Variants in NAV2 observed in about 807,000 individuals in gnomAD.
NAV2 encodes the protein neuron navigator 2.
In NAV2, 54 loss-of-function variants were observed where a neutral mutation model predicts 223.2. The ratio of observed to expected loss-of-function variants is 0.24; its 90% CI spans 0.19 to 0.30. The LOEUF (loss-of-function observed/expected upper bound fraction) is 0.30, where lower values mean the gene tolerates loss of function less well. NAV2 is among the 10% of genes least tolerant of loss of function. NAV2 has a pLI of 1.00. For synonymous variants in NAV2, 1,279 were observed against 1,239.3 expected (o/e 1.03, Z -0.67); for missense variants, 2,806 against 3,147.5 (o/e 0.89, Z 2.60).
At chr11:19,376,476 T>G (rs759948880) in intron 1 of NAV2, among the ~76,000 whole-genome samples, 20 of 152,222 alleles carry the variant, frequency 1.3e-4, no homozygotes, top group Admixed American at 2.6e-4. Context: ...GGGACTCACC[T>G]GCTGTTATAC....
chr11:19,433,679 C>T (rs1220652135), intron 1 of NAV2, among the ~76,000 whole-genome samples: 1 of 152,182 alleles, frequency 6.6e-6, no homozygotes, highest in Non-Finnish European at 1.5e-5. Context: ...AATGTTAGCT[C>T]CATGGGGAGT....
At chr11:19,517,415 A>AC (rs1352844444) in intron 1 of NAV2, among the ~76,000 whole-genome samples, 1 of 152,058 alleles carries the variant, frequency 6.6e-6, no homozygotes, top group Non-Finnish European at 1.5e-5. Context: ...GAATAATGAC[A>AC]CCTCCTTGCA....
At chr11:19,553,608 C>T (rs935000424) in intron 1 of NAV2, among the ~76,000 whole-genome samples, 1 of 152,248 alleles carries the variant, frequency 6.6e-6, no homozygotes. Context: ...GGAGCTTGGG[C>T]TGCGGGTGGC....
chr11:19,594,928 A>G (rs904693460), intron 1 of NAV2, among the ~76,000 whole-genome samples: 6 of 152,224 alleles, frequency 3.9e-5, no homozygotes, highest in African/African-American at 1.4e-4. Context: ...AATAACTAAC[A>G]TCTATCAAGC....
intron 1 of NAV2, among the ~76,000 whole-genome samples, chr11:19,374,201 T>G (rs1848564168): frequency 6.6e-6 from 1 of 152,178 alleles, no homozygotes; most frequent in Non-Finnish European, 1.5e-5. Flanking sequence ...TGTTTTTCAC[T>G]ATGTATCAAT....
At chr11:19,763,410 C>G (rs2054931417) in intron 1 of NAV2, among the ~76,000 whole-genome samples, 1 of 152,142 alleles carries the variant, frequency 6.6e-6, no homozygotes, top group African/African-American at 2.4e-5. Flanking sequence ...TTCTTTGGCT[C>G]AAAGGAATCT....
In NAV2 at chr11:19,839,411, A is replaced by G. The variant is rs140253313; in HGVS notation, c.386-3460A>G. ...AGATGAACAAAGGAGGACTGGAGAAAAAGGGAGCAAAGAGAGAGAGAGAAT... is the reference window on the plus strand; with the variant it reads ...AGATGAACAAAGGAGGACTGGAGAAGAAGGGAGCAAAGAGAGAGAGAGAAT... On this transcript the variant is annotated intron_variant, in intron 2 of 37. Transcript: ENST00000349880. Among the ~76,000 whole-genome samples the G allele has an allele frequency of 9.2e-5, 14 of 152,302 alleles. No individual in the cohort carries two copies. In the East Asian group the frequency reaches 2.1e-3, roughly 23 times the overall value.
intron 1 of NAV2, among the ~76,000 whole-genome samples, chr11:19,426,632 G>A (rs1203859981): frequency 6.6e-6 from 1 of 152,136 alleles, no homozygotes; most frequent in Non-Finnish European, 1.5e-5. Flanking sequence ...CAGGGAGAGG[G>A]AAACCAAATA....
chr11:19,781,813 G>A (rs1191163085), intron 1 of NAV2, among the ~76,000 whole-genome samples: 1 of 151,418 alleles, frequency 6.6e-6, no homozygotes, highest in African/African-American at 2.4e-5. Flanking sequence ...AATAAAAATT[G>A]TATATATTTA....
intron 1 of NAV2, among the ~76,000 whole-genome samples, chr11:19,741,673 TCA>T (rs1184751633): frequency 2.8e-5 from 4 of 143,156 alleles, no homozygotes; most frequent in African/African-American, 1.1e-4. Flanking sequence ...TATGTATGTA[TCA>T]TGTGTGTGTG....
At chr11:19,359,740 C>T (rs1031780272) in intron 1 of NAV2, among the ~76,000 whole-genome samples, 12 of 152,266 alleles carry the variant, frequency 7.9e-5, no homozygotes, top group African/African-American at 1.9e-4. Flanking sequence ...AGCAAGGAGA[C>T]GCTAATTAAG....
At chr11:19,884,328 A>T in intron 5 of NAV2, 1 of 1,614,040 alleles carries the variant, frequency 6.2e-7, no homozygotes. Context: ...AAGCAAAATC[A>T]TCCGCTTCAC....
At chr11:19,709,587 A>ATCT (rs1193600467), upstream of NAV2, among the ~76,000 whole-genome samples, 2 of 149,240 alleles carry the variant, frequency 1.3e-5, no homozygotes, top group African/African-American at 2.5e-5. Flanking sequence ...AAGGAGATGA[A>ATCT]TCTTTGGGAG....
At chr11:19,877,939 T>C (rs1457621597) in intron 4 of NAV2, among the ~76,000 whole-genome samples, 1 of 152,178 alleles carries the variant, frequency 6.6e-6, no homozygotes, top group Non-Finnish European at 1.5e-5. Flanking sequence ...ACTGAGAACA[T>C]TTGGAAGCAG....
At chr11:19,729,407 C>T (rs1206485369) in intron 1 of NAV2, among the ~76,000 whole-genome samples, 2 of 152,130 alleles carry the variant, frequency 1.3e-5, no homozygotes, top group East Asian at 3.8e-4. Context: ...GTTGGGTAGG[C>T]ATCACACTGG....
At chr11:20,001,083 C>T (rs533363714) in intron 11 of NAV2, among the ~76,000 whole-genome samples, 6 of 152,286 alleles carry the variant, frequency 3.9e-5, no homozygotes, top group South Asian at 2.1e-4. Context: ...ACACCCGCCT[C>T]GTCCCCAACA....
At chr11:19,885,487 T>G (rs2040877249) in intron 5 of NAV2, among the ~76,000 whole-genome samples, 1 of 152,222 alleles carries the variant, frequency 6.6e-6, no homozygotes, top group South Asian at 2.1e-4. Context: ...ATCTCCTTAT[T>G]ATGACTGGTA....
At chr11:19,957,113 C>G (rs951811715) in intron 10 of NAV2, among the ~76,000 whole-genome samples, 1 of 152,138 alleles carries the variant, frequency 6.6e-6, no homozygotes, top group African/African-American at 2.4e-5. Context: ...AATGCACTGC[C>G]ATCCTCTTAA....
rs142000364 is a variant in NAV2, at chr11:19,621,197, A to G, written c.76-211287A>G. On this transcript the variant is annotated intron_variant, in intron 1 of 37. Coordinates refer to the NAV2 transcript ENST00000360655. ...ACTGAGGATTTTTGCATCGATGTTC[A>G]TCAGGGATATTGGTCTAAAATTCTC... Among the ~76,000 whole-genome samples the G allele has an allele frequency of 8.5e-3, 1,300 of 152,304 alleles. 22 individuals carry two copies. Among genetic ancestry groups the G allele is most frequent in the African/African-American group, 0.028 (1,154 of 41,560 alleles).
Sources: gnomAD v4.1 joint callset for allele counts (sites outside exome capture counted in the v4.1 genomes callset) on GRCh38, gnomAD v4.1.1 for gene constraint, MANE v1.5 for transcripts, NCBI Gene and HGNC (gene_info 2026-07-23, HGNC 2026-07-21) for gene names.